PTPRJ: variants seen among roughly 807,000 people sequenced by gnomAD.
PTPRJ encodes receptor-type tyrosine-protein phosphatase eta.
A neutral mutation model predicts 141.3 loss-of-function variants in PTPRJ; 129 were observed. That is an observed-to-expected ratio of 0.91 (90% CI 0.79 to 1.06). The LOEUF is 1.06. PTPRJ is among the 50% of genes least tolerant of loss of function. PTPRJ has a pLI of 0.00. For missense variants in PTPRJ, 1,601 were observed against 1,679.7 expected (o/e 0.95, Z 0.82); for synonymous variants, 610 against 640.5 (o/e 0.95, Z 0.72).
intron 1 of PTPRJ, among the ~76,000 whole-genome samples, chr11:48,056,105 G>T (rs890875296): frequency 1.3e-5 from 2 of 152,210 alleles, no homozygotes; most frequent in Non-Finnish European, 2.9e-5. Flanking sequence ...AAGTTAACAC[G>T]CATTGTGGAG....
intron 1 of PTPRJ, among the ~76,000 whole-genome samples, chr11:48,091,784 T>G (rs1262102230): frequency 6.6e-6 from 1 of 152,204 alleles, no homozygotes; most frequent in Non-Finnish European, 1.5e-5. Flanking sequence ...TTGCTCTTTA[T>G]GCAGGACTGT....
At chr11:47,989,009 G>T (rs976903668) in intron 1 of PTPRJ, among the ~76,000 whole-genome samples, 1 of 142,758 alleles carries the variant, frequency 7.0e-6, no homozygotes, top group African/African-American at 2.6e-5. Flanking sequence ...TCAGCCTCCC[G>T]AGTAGCTGGG....
intron 1 of PTPRJ, among the ~76,000 whole-genome samples, chr11:47,995,854 A>G (rs1010024416): frequency 6.6e-4 from 100 of 152,042 alleles, no homozygotes; most frequent in African/African-American, 2.0e-3. Flanking sequence ...CCTGACCAAC[A>G]TGGTGAAACC....
chr11:48,115,360 A>T (rs1347063514), intron 3 of PTPRJ, among the ~76,000 whole-genome samples: 1 of 152,228 alleles, frequency 6.6e-6, no homozygotes, highest in Non-Finnish European at 1.5e-5. Context: ...CAGACTTCTC[A>T]GCAGAAACTT....
At chr11:48,053,626 G>T (rs1243268796) in intron 1 of PTPRJ, among the ~76,000 whole-genome samples, 1 of 145,868 alleles carries the variant, frequency 6.9e-6, no homozygotes, top group Non-Finnish European at 1.5e-5. Flanking sequence ...GCCCAGGCTG[G>T]AGTGCAGTGG....
intron 1 of PTPRJ, among the ~76,000 whole-genome samples, chr11:48,010,531 C>T (rs577139255): frequency 2.0e-5 from 3 of 151,858 alleles, no homozygotes; most frequent in African/African-American, 7.2e-5. Context: ...TTGAGTTAGG[C>T]TTTTATTATT....
chr11:47,996,709 T>C (rs945945528), intron 1 of PTPRJ, among the ~76,000 whole-genome samples: 12 of 152,244 alleles, frequency 7.9e-5, no homozygotes, highest in Admixed American at 3.9e-4. Context: ...AGTGTTGCCA[T>C]GCACCCAGGG....
intron 1 of PTPRJ, among the ~76,000 whole-genome samples, chr11:48,056,572 T>G (rs12294321): frequency 0.019 from 2,916 of 152,280 alleles, 97 homozygotes; most frequent in African/African-American, 0.066. Context: ...TCAGCTATTC[T>G]TCCAAGTACT....
intron 1 of PTPRJ, among the ~76,000 whole-genome samples, chr11:48,011,403 G>A (rs1382186663): frequency 4.6e-5 from 7 of 152,142 alleles, no homozygotes; most frequent in African/African-American, 1.7e-4. Context: ...CTCTTGAGTG[G>A]AGTCACTTAA....
intron 1 of PTPRJ, among the ~76,000 whole-genome samples, chr11:48,055,419 G>A (rs773342831): frequency 6.6e-6 from 1 of 152,152 alleles, no homozygotes; most frequent in Non-Finnish European, 1.5e-5. Flanking sequence ...AGATCTCTGA[G>A]GTTAACATCC....
At chr11:48,007,028 C>T (rs1476922116) in intron 1 of PTPRJ, among the ~76,000 whole-genome samples, 1 of 152,004 alleles carries the variant, frequency 6.6e-6, no homozygotes, top group Non-Finnish European at 1.5e-5. Context: ...AATTAGAGAG[C>T]AGTCTGATGT....
chr11:48,078,795 G>GTTT (rs55980751), intron 1 of PTPRJ, among the ~76,000 whole-genome samples: 745 of 96,132 alleles, frequency 7.7e-3, no homozygotes, highest in African/African-American at 1.0e-2. Context: ...TCTGTAAATA[G>GTTT]TTTTTTTTTT....
At chr11:48,109,681 A>G (rs1264617082) in intron 1 of PTPRJ, among the ~76,000 whole-genome samples, 1 of 134,046 alleles carries the variant, frequency 7.5e-6, no homozygotes, top group Non-Finnish European at 1.6e-5. Flanking sequence ...TTTGGCCCTG[A>G]CAATCTGGTC....
At chr11:48,131,070 A>ATTTTTT (rs71045547) in intron 8 of PTPRJ, among the ~76,000 whole-genome samples, 1 of 46,568 alleles carries the variant, frequency 2.1e-5, no homozygotes, top group African/African-American at 6.8e-5. Flanking sequence ...ATATATATAT[A>ATTTTTT]TTTTTTTTTT....
chr11:48,075,207 G>C (rs1388916373), intron 1 of PTPRJ, among the ~76,000 whole-genome samples: 1 of 150,110 alleles, frequency 6.7e-6, no homozygotes, highest in African/African-American at 2.5e-5. Flanking sequence ...GCAGTGGCAT[G>C]ATCTCAGCTC....
At chr11:48,139,153 A>G (rs1369507768) in intron 10 of PTPRJ, among the ~76,000 whole-genome samples, 3 of 152,094 alleles carry the variant, frequency 2.0e-5, no homozygotes, top group Admixed American at 1.3e-4. Context: ...GGGGGTCCTC[A>G]TGATGAGATG....
intron 1 of PTPRJ, among the ~76,000 whole-genome samples, chr11:48,058,579 A>G (rs1347203695): frequency 6.6e-6 from 1 of 151,950 alleles, no homozygotes; most frequent in Non-Finnish European, 1.5e-5. Flanking sequence ...TGTGGGTTCA[A>G]TCTTCAAAGC....
At chr11:48,108,811 G>A (rs1201234751) in intron 1 of PTPRJ, among the ~76,000 whole-genome samples, 1 of 152,176 alleles carries the variant, frequency 6.6e-6, no homozygotes, top group Non-Finnish European at 1.5e-5. Context: ...GGTGGAAGGT[G>A]GGAATGGGAA....
chr11:48,071,517 C>T (rs113523571), intron 1 of PTPRJ, among the ~76,000 whole-genome samples: 4 of 150,952 alleles, frequency 2.6e-5, no homozygotes, highest in South Asian at 2.1e-4. Context: ...GGGGTTTCAC[C>T]GTGTTAGCCA....
Sources: gnomAD v4.1 joint callset for allele counts (sites outside exome capture counted in the v4.1 genomes callset) on GRCh38, gnomAD v4.1.1 for gene constraint, MANE v1.5 for transcripts, NCBI Gene and HGNC (gene_info 2026-07-23, HGNC 2026-07-21) for gene names.